Variants in DGKH observed in about 807,000 individuals in gnomAD.
DGKH encodes DAG kinase eta.
A neutral mutation model predicts 159.3 loss-of-function variants in DGKH; 90 were observed. The observed-to-expected ratio is 0.57, with a 90% CI of 0.48 to 0.67. The LOEUF is 0.67. Ranked by LOEUF, DGKH falls within the 30% of genes least tolerant of loss-of-function variation. The pLI, the probability that DGKH is intolerant of heterozygous loss-of-function variation, is 0.00. For synonymous variants in DGKH, 536 were observed against 553.8 expected, an observed-to-expected ratio of 0.97 and a Z score of 0.45; for missense variants, 1,181 against 1,506.1, an observed-to-expected ratio of 0.78 and a Z score of 3.57.
chr13:42,158,533 T>C (rs1325706144), intron 5 of DGKH, among the ~76,000 whole-genome samples: 3 of 152,230 alleles, frequency 2.0e-5, no homozygotes, highest in South Asian at 2.1e-4. Context: ...CTGCTTTTTT[T>C]CCCTAGTTAT....
At chr13:42,161,198 C>G (rs7326017) in intron 7 of DGKH, among the ~76,000 whole-genome samples, 153 of 152,224 alleles carry the variant, frequency 1.0e-3, no homozygotes, top group African/African-American at 3.5e-3. Flanking sequence ...GGAATTCTAC[C>G]CATAAACAAG....
intron 1 of DGKH, among the ~76,000 whole-genome samples, chr13:42,101,919 C>A (rs1954659172): frequency 6.6e-6 from 1 of 152,136 alleles, no homozygotes; most frequent in South Asian, 2.1e-4. Context: ...GTCAGGAAAA[C>A]AAGTGAAACA....
At chr13:42,104,306 A>G (rs1018894469) in intron 1 of DGKH, among the ~76,000 whole-genome samples, 6 of 152,160 alleles carry the variant, frequency 3.9e-5, no homozygotes, top group Admixed American at 3.3e-4. Context: ...TTGGGCTAAA[A>G]CTGGGTCACC....
chr13:42,071,913 A>G (rs1012648144), intron 1 of DGKH, among the ~76,000 whole-genome samples: 9 of 152,162 alleles, frequency 5.9e-5, no homozygotes, highest in African/African-American at 2.2e-4. Flanking sequence ...CAACCCTGAG[A>G]CTAGAGACAT....
chr13:42,206,974 T>TTTTTCTTTCTTTC lies in DGKH; in HGVS notation c.2601+832_2601+844dup, dbSNP rs1485388674. ...CCACAATACCTTTTGGTACTTTTAC[T>TTTTTCTTTCTTTC]TTTTCTTTCTTTCTTTCTTTCTTTC... On this transcript the variant is annotated intron_variant, in intron 21 of 29. Coordinates refer to ENST00000337343, the MANE Select transcript of DGKH (RefSeq NM_178009.5). Among the ~76,000 whole-genome samples, 17 of 130,092 alleles carry TTTTTCTTTCTTTC rather than the reference T, an allele frequency of 1.3e-4. 1 individual carries two copies. Among genetic ancestry groups the TTTTTCTTTCTTTC allele is most frequent in the Non-Finnish European group, 2.7e-4 (16 of 59,284 alleles). 85.3% of individuals were successfully genotyped at this position (130,092 alleles called of 152,430 possible).
chr13:42,077,384 G>C (rs1335793139), intron 1 of DGKH, among the ~76,000 whole-genome samples: 2 of 152,148 alleles, frequency 1.3e-5, no homozygotes, highest in Non-Finnish European at 2.9e-5. Context: ...AACATCATTA[G>C]AGAAAGTCTG....
At chr13:42,170,697 C>T (rs572693031) in intron 11 of DGKH, among the ~76,000 whole-genome samples, 27 of 152,242 alleles carry the variant, frequency 1.8e-4, no homozygotes, top group Non-Finnish European at 2.9e-4. Context: ...AATCCCAGCA[C>T]TTTGGGAGGC....
chr13:42,206,234 A>G, intron 21 of DGKH, 88 bp downstream of exon 21: 2 of 733,566 alleles, frequency 2.7e-6, no homozygotes, highest in Non-Finnish European at 2.0e-6. Flanking sequence ...GTTGAATAGT[A>G]GTTTAATTTC....
At chr13:42,203,326 A>G (rs1204396821) in intron 20 of DGKH, among the ~76,000 whole-genome samples, 3 of 152,228 alleles carry the variant, frequency 2.0e-5, no homozygotes, top group Non-Finnish European at 2.9e-5. Flanking sequence ...AAGAGCCAAC[A>G]TTTCAAATCC....
At chr13:42,145,947 G>A (rs1955717450) in intron 3 of DGKH, among the ~76,000 whole-genome samples, 1 of 152,090 alleles carries the variant, frequency 6.6e-6, no homozygotes, top group Non-Finnish European at 1.5e-5. Context: ...TTGTGGTCTG[G>A]TTTCTGCACA....
At chr13:42,085,119 A>C (rs1337777830) in intron 1 of DGKH, among the ~76,000 whole-genome samples, 1 of 152,184 alleles carries the variant, frequency 6.6e-6, no homozygotes, top group African/African-American at 2.4e-5. Flanking sequence ...GTTAATGCAG[A>C]TGATATAAAA....
chr13:42,182,648 A>G lies in DGKH; in HGVS notation c.1539-4401A>G, dbSNP rs544774075. Among the ~76,000 whole-genome samples the G allele has an allele frequency of 1.4e-3, 216 of 152,222 alleles. 1 individual carries two copies. Among genetic ancestry groups the G allele is most frequent in the African/African-American group, 5.1e-3 (211 of 41,548 alleles). ...GCACATATTCAGTGTAGACAAAACA[A>G]TCTGTTTTCTTTTTCAAATGTTTTC... On this transcript the variant is annotated intron_variant, in intron 13 of 29. Coordinates refer to ENST00000337343, the MANE Select transcript of DGKH (RefSeq NM_178009.5).
chr13:42,072,666 GC>G (rs1883045852), intron 1 of DGKH, among the ~76,000 whole-genome samples: 2 of 152,270 alleles, frequency 1.3e-5, no homozygotes, highest in African/African-American at 4.8e-5. Flanking sequence ...CATTATGAAA[GC>G]CTAGACAGGG....
At chr13:42,186,267 TA>T (rs1470668982) in intron 13 of DGKH, among the ~76,000 whole-genome samples, 1 of 152,198 alleles carries the variant, frequency 6.6e-6, no homozygotes, top group Non-Finnish European at 1.5e-5. Flanking sequence ...GCCTTGGCTT[TA>T]AAAAAGCTGG....
At chr13:42,134,948 G>T (rs1319948195) in intron 3 of DGKH, among the ~76,000 whole-genome samples, 4 of 151,734 alleles carry the variant, frequency 2.6e-5, no homozygotes, top group Non-Finnish European at 5.9e-5. Flanking sequence ...CTGCACTCCA[G>T]CCTGGGCAAC....
At chr13:42,091,493 G>A (rs1325087270) in intron 1 of DGKH, among the ~76,000 whole-genome samples, 1 of 151,966 alleles carries the variant, frequency 6.6e-6, no homozygotes, top group East Asian at 1.9e-4. Context: ...TAAAAAAATG[G>A]GCAAAGGACT....
At chr13:42,140,909 T>A (rs897677429) in intron 3 of DGKH, 1 of 151,544 alleles carries the variant, frequency 6.6e-6, no homozygotes, top group Non-Finnish European at 1.5e-5. Flanking sequence ...AATTTTATAT[T>A]TTTATTTATT....
chr13:42,155,650 T>C lies in DGKH; in HGVS notation c.490-17T>C. The C allele has an allele frequency of 1.2e-6, 2 of 1,614,148 alleles. No individual in the cohort carries two copies. Among genetic ancestry groups the C allele is most frequent in the Non-Finnish European group, 1.7e-6 (2 of 1,180,008 alleles). On this transcript the variant is annotated splice_polypyrimidine_tract_variant and intron_variant, in intron 4 of 29. Transcript: ENST00000337343. ...GTTCACTGGCTTGGCAAATCTGTCC[T>C]CACATCTCATTTCTAGGTGGCCCAG...
intron 13 of DGKH, among the ~76,000 whole-genome samples, chr13:42,186,013 GT>G (rs10578663): frequency 0.03 from 1,499 of 49,984 alleles, 19 homozygotes; most frequent in African/African-American, 0.15. Context: ...TGGTGGTGGT[GT>G]GTGTGTGTGT....
Sources: gnomAD v4.1 joint callset for allele counts (sites outside exome capture counted in the v4.1 genomes callset) on GRCh38, gnomAD v4.1.1 for gene constraint, MANE v1.5 for transcripts, NCBI Gene and HGNC (gene_info 2026-07-23, HGNC 2026-07-21) for gene names.